The following STK10 variants were observed in gnomAD, a reference collection of about 807,000 sequenced individuals.
The protein encoded by STK10 is serine/threonine-protein kinase 10.
A neutral mutation model predicts 113.8 loss-of-function variants in STK10; 78 were observed. The observed-to-expected ratio is 0.69, with a 90% confidence interval of 0.57 to 0.83. The LOEUF (loss-of-function observed/expected upper bound fraction) is 0.83, where lower values mean the gene tolerates loss of function less well. Among genes scored for constraint, STK10 ranks in the 40% least tolerant of loss-of-function variants. STK10 has a pLI of 0.00. For synonymous variants in STK10, 465 were observed against 494.7 expected, an observed-to-expected ratio of 0.94 and a Z score of 0.80; for missense variants, 1,109 against 1,280.1, an observed-to-expected ratio of 0.87 and a Z score of 2.04.
chr5:172,067,409 A>G (rs1164989272), intron 12 of STK10, among the ~76,000 whole-genome samples: 2 of 151,060 alleles, frequency 1.3e-5, no homozygotes, highest in East Asian at 3.8e-4. Context: ...AAATAAATAA[A>G]TAGAATAAAA....
intron 4 of STK10, 73 bp from the exon 5 acceptor site, chr5:172,107,925 G>A: frequency 3.8e-6 from 5 of 1,309,998 alleles, no homozygotes; most frequent in Non-Finnish European, 5.5e-6. Context: ...TGGACTCAGG[G>A]GTACACATTC....
intron 2 of STK10, among the ~76,000 whole-genome samples, chr5:172,137,108 T>C (rs1769879171): frequency 6.6e-6 from 1 of 152,098 alleles, no homozygotes; most frequent in Non-Finnish European, 1.5e-5. Flanking sequence ...TCTTAAGATA[T>C]AAGGACATCA....
intron 4 of STK10, among the ~76,000 whole-genome samples, chr5:172,114,289 C>CGTGTGTGTGTGTGT (rs111441878): frequency 1.4e-5 from 2 of 138,776 alleles, no homozygotes; most frequent in Non-Finnish European, 3.0e-5. Context: ...TAGCTACTCT[C>CGTGTGTGTGTGTGT]GTGTGTGTGT....
At chr5:172,140,852 T>C (rs553396012) in intron 2 of STK10, among the ~76,000 whole-genome samples, 56 of 152,260 alleles carry the variant, frequency 3.7e-4, no homozygotes, top group African/African-American at 1.3e-3. Flanking sequence ...AAAGCCGAGA[T>C]GTAGAAACAA....
chr5:172,070,381 C>A (rs761114289), intron 12 of STK10, among the ~76,000 whole-genome samples: 2 of 151,394 alleles, frequency 1.3e-5, no homozygotes, highest in Non-Finnish European at 2.9e-5. Context: ...AAACAACAAG[C>A]TTTTAAATAA....
Position 172,187,910 on chromosome 5 carries a change from C to G in STK10, c.133G>C (p.Gly45Arg). The G allele has an allele frequency of 6.2e-7, 1 of 1,613,222 alleles. No homozygotes were observed. Among genetic ancestry groups the G allele is most frequent in the Non-Finnish European group, 8.5e-7 (1 of 1,179,736 alleles). ...VWEIVGELGD[G>R]AFGKVYKAKN... ...ACCTTGTAAACCTTGCCGAAGGCGC[C>G]GTCGCCCAGCTCGCCCACGATCTCC... Residue 45 changes from glycine to arginine, a missense_variant, in exon 1 of 19, where the codon GGC becomes CGC. Around this residue, in one of 5 missense-constraint regions of STK10, gnomAD observed 3 missense variants for 16.3 expected, o/e 0.18. Coordinates refer to ENST00000176763, the MANE Select transcript of STK10 (RefSeq NM_005990.4). This position sits in a 1 kb window ranked among gnomAD's most constrained non-coding sequence, Gnocchi z 4.6.
intron 12 of STK10, among the ~76,000 whole-genome samples, chr5:172,075,838 G>A (rs60260106): frequency 6.6e-6 from 1 of 152,072 alleles, no homozygotes; most frequent in African/African-American, 2.4e-5. Context: ...CCTGACAATT[G>A]CAAGTGCTGG....
At chr5:172,127,296 A>G in intron 3 of STK10, 77 bp downstream of exon 3, 3 of 1,534,968 alleles carry the variant, frequency 2.0e-6, no homozygotes, top group Non-Finnish European at 2.7e-6. Context: ...TCCTAGACAG[A>G]GCTGTCCAGC....
At chr5:172,118,517 G>A (rs748323606) in intron 3 of STK10, among the ~76,000 whole-genome samples, 1 of 152,100 alleles carries the variant, frequency 6.6e-6, no homozygotes, top group Non-Finnish European at 1.5e-5. Context: ...GAAGAGAATA[G>A]GTGGGGCGAG....
chr5:172,160,571 A>C lies in STK10; in HGVS notation c.157-3783T>G, dbSNP rs1463170059. ...AGGGAAAACGAGCTCCTCTGGACTG[A>C]ATGAACATATTATAGCTTAGTCTCC... On this transcript the variant is annotated intron_variant, in intron 1 of 18. Transcript: ENST00000176763. Among the ~76,000 whole-genome samples the C allele has an allele frequency of 2.6e-5, 4 of 152,168 alleles. No individual in the cohort carries two copies. In the East Asian group the frequency reaches 7.7e-4, roughly 29 times the overall value.
chr5:172,048,560 G>A (rs1004850406), intron 18 of STK10, among the ~76,000 whole-genome samples: 2 of 152,068 alleles, frequency 1.3e-5, no homozygotes, highest in African/African-American at 2.4e-5. Flanking sequence ...CAGCAAGAAC[G>A]TCTAGAGTGC....
intron 2 of STK10, among the ~76,000 whole-genome samples, chr5:172,142,135 G>A (rs562413277): frequency 1.4e-4 from 22 of 152,238 alleles, no homozygotes; most frequent in South Asian, 4.1e-4. Context: ...GACAGCACAC[G>A]TCACACACCC....
intron 10 of STK10, among the ~76,000 whole-genome samples, chr5:172,084,939 A>AT (rs1291145006): frequency 2.3e-4 from 35 of 152,150 alleles, no homozygotes; most frequent in Non-Finnish European, 2.9e-5. Context: ...TCTGCTAAAA[A>AT]ATATATAATA....
chr5:172,170,487 T>C (rs1359634680), intron 1 of STK10, among the ~76,000 whole-genome samples: 1 of 152,154 alleles, frequency 6.6e-6, no homozygotes, highest in African/African-American at 2.4e-5. Context: ...CATGTAAGGA[T>C]GGCAAAGATC....
chr5:172,086,275 T>G (rs1237555265), intron 10 of STK10, among the ~76,000 whole-genome samples: 1 of 152,148 alleles, frequency 6.6e-6, no homozygotes, highest in East Asian at 1.9e-4. Context: ...CAGAGGCGCT[T>G]TCTACAGCCA....
intron 4 of STK10, among the ~76,000 whole-genome samples, chr5:172,113,715 G>A (rs549334721): frequency 1.3e-5 from 2 of 152,096 alleles, no homozygotes; most frequent in African/African-American, 4.8e-5. Flanking sequence ...TCAGGAGTTC[G>A]AGACAAAAAC....
intron 7 of STK10, among the ~76,000 whole-genome samples, chr5:172,101,381 G>C (rs958712846): frequency 6.7e-6 from 1 of 150,252 alleles, no homozygotes; most frequent in African/African-American, 2.5e-5. Context: ...CGAGACAGGA[G>C]AATCACTTGA....
intron 1 of STK10, among the ~76,000 whole-genome samples, chr5:172,177,766 G>C (rs1168108012): frequency 6.6e-6 from 1 of 152,174 alleles, no homozygotes; most frequent in Non-Finnish European, 1.5e-5. Flanking sequence ...TATAGCCTGC[G>C]TAACACTCCC....
At chr5:172,048,504 C>G (rs1269250247) in intron 18 of STK10, among the ~76,000 whole-genome samples, 1 of 150,444 alleles carries the variant, frequency 6.6e-6, no homozygotes, top group East Asian at 1.9e-4. Flanking sequence ...ACTAATACGG[C>G]CCAGAGCGGG....
Sources: gnomAD v4.1 joint callset for allele counts (sites outside exome capture counted in the v4.1 genomes callset) on GRCh38, gnomAD v4.1.1 for gene constraint, gnomAD v4.1.1 regional missense constraint, Gnocchi (gnomAD v3.1) non-coding constraint, MANE v1.5 for transcripts, NCBI Gene and HGNC (gene_info 2026-07-23, HGNC 2026-07-21) for gene names.